OR5A1: variants seen among roughly 807,000 people sequenced by gnomAD.
The protein encoded by OR5A1 is olfactory receptor 5A1.
OR5A1 carries 6 observed loss-of-function variants against 6.7 expected under a neutral mutation model. The observed-to-expected ratio is 0.89, with a 90% CI of 0.49 to 1.76. The LOEUF (loss-of-function observed/expected upper bound fraction) is 1.76, where lower values mean the gene tolerates loss of function less well. Among genes scored for constraint, OR5A1 ranks in the 40% most tolerant of loss-of-function variants. The probability of loss-of-function intolerance (pLI) is 0.01; values close to 1 mark genes in which losing one functional copy is unlikely to be tolerated. For synonymous variants in OR5A1, 170 were observed against 155.0 expected (o/e 1.10, Z -0.72); for missense variants, 378 against 381.7 (o/e 0.99, Z 0.08).
At position 59,443,629 on chromosome 11, in the gene OR5A1, G is replaced by A. The variant is rs765560979; in HGVS notation, c.461G>A (p.Gly154Asp). ...CTRMVVGAYV[G>D]GFLSSLIQAS... ...CGCATGGTGGTTGGGGCATATGTTG[G>A]TGGCTTCCTGAGCTCCCTGATCCAG... The change falls in exon 2 of 2, where the codon GGT (glycine) becomes GAT (aspartate). Residue 154 changes from glycine (G) to aspartate (D), a missense_variant. Transcript: ENST00000641045. The A allele has an allele frequency of 6.2e-6, 10 of 1,614,020 alleles. No homozygotes were observed. The highest frequency in any genetic ancestry group is 3.3e-4 in the Middle Eastern group (2 of 6,062).
chr11:59,438,986 C>T (rs1418523546), intron 1 of OR5A1, among the ~76,000 whole-genome samples: 2 of 152,140 alleles, frequency 1.3e-5, no homozygotes, highest in Admixed American at 6.6e-5. Flanking sequence ...GCACCAGGCA[C>T]TGGCAGGGAT....
At position 59,449,176 on chromosome 11, in the gene OR5A1, T is replaced by G. The variant is rs1409417066; in HGVS notation, c.*5060T>G. On this transcript the variant is annotated 3_prime_UTR_variant, in exon 2 of 2. Coordinates refer to ENST00000641045, the MANE Select transcript of OR5A1 (RefSeq NM_001004728.2). ...TACAAATATCCAATATTACTCCCTA[T>G]GCTAATCATTATAGTAGACTTCTTA... 3.3e-5 allele frequency: 5 copies of G among 152,194 alleles called. No individual in the cohort carries two copies. Among genetic ancestry groups the G allele is most frequent in the Non-Finnish European group, 7.3e-5 (5 of 68,032 alleles). The allele number at this position is 152,194 out of a possible 1,614,324, so 9.4% of individuals were successfully genotyped here.
Position 59,451,110 on chromosome 11 carries a change from T to C in OR5A1, c.*6994T>C, listed in dbSNP as rs1407316767. 6.6e-6 allele frequency: 1 copy of C among 152,238 alleles called. No individual in the cohort carries two copies. The highest frequency in any genetic ancestry group is 1.5e-5 in the Non-Finnish European group (1 of 68,046). The allele number at this position is 152,238 out of a possible 1,614,324, so 9.4% of individuals were successfully genotyped here. On this transcript the variant is annotated 3_prime_UTR_variant, in exon 2 of 2. Transcript: ENST00000641045. ...CCAGAAATGCTGCCTATGTGTGCAC[T>C]CCTATTAATCATATGAAAGTGTCAC...
chr11:59,443,295 G>T lies in OR5A1; in HGVS notation c.127G>T (p.Ala43Ser). The change falls in exon 2 of 2, where the codon GCC becomes TCC. Residue 43 changes from alanine (A) to serine (S), a missense_variant. Coordinates refer to ENST00000641045, the MANE Select transcript of OR5A1 (RefSeq NM_001004728.2). ...TFLGIYLTTL[A>S]WNLALIFLIR... is the part of the protein sequence containing the mutation. ...CCTGGGCATCTATCTTACCACCCTG[G>T]CCTGGAACCTGGCCCTCATTTTTCT... The T allele has an allele frequency of 6.2e-7, 1 of 1,613,462 alleles. No individual in the cohort carries two copies. Among genetic ancestry groups the T allele is most frequent in the Non-Finnish European group, 8.5e-7 (1 of 1,179,774 alleles).
At position 59,443,510 on chromosome 11, in the gene OR5A1, G is replaced by A; in HGVS notation, c.342G>A (p.Glu114=). The change falls in exon 2 of 2, where the codon GAG becomes GAA. Residue 114 remains glutamate (E), a synonymous_variant. Coordinates refer to ENST00000641045, the MANE Select transcript of OR5A1 (RefSeq NM_001004728.2). ...TCTTTGTCGGCATGGGTCTGTCTGA[G>A]TGCCTCCTCCTGACTGCTATGGCAT... ...FFFFVGMGLS[E]CLLLTAMAYD... is the part of the protein sequence containing the mutation. 1 of 1,613,928 alleles carries A rather than the reference G, an allele frequency of 6.2e-7. No individual in the cohort carries two copies.
chr11:59,447,404 G>A lies in OR5A1; in HGVS notation c.*3288G>A, dbSNP rs1451856926. The A allele has an allele frequency of 6.6e-6, 1 of 152,174 alleles. No individual in the cohort carries two copies. Among genetic ancestry groups the A allele is most frequent in the Non-Finnish European group, 1.5e-5 (1 of 68,026 alleles). The allele number at this position is 152,174 out of a possible 1,614,324, so 9.4% of individuals were successfully genotyped here. On this transcript the variant is annotated 3_prime_UTR_variant, in exon 2 of 2. Coordinates refer to ENST00000641045, the MANE Select transcript of OR5A1 (RefSeq NM_001004728.2). Reference sequence around the variant, plus strand: ...TAGAACTACAGAACAACTGCCACTGGGGTCAGGCTAGTGTATGAAACTGCA... The same window carrying A: ...TAGAACTACAGAACAACTGCCACTGAGGTCAGGCTAGTGTATGAAACTGCA...
intron 1 of OR5A1, among the ~76,000 whole-genome samples, chr11:59,438,367 CATG>C (rs1858445832): frequency 6.6e-6 from 1 of 152,022 alleles, no homozygotes; most frequent in Admixed American, 6.6e-5. Context: ...TTCAGAAAAT[CATG>C]ATGAATTATT....
At chr11:59,441,322 GAGAT>G (rs1370397237) in intron 1 of OR5A1, among the ~76,000 whole-genome samples, 2 of 152,120 alleles carry the variant, frequency 1.3e-5, no homozygotes, top group Non-Finnish European at 2.9e-5. Flanking sequence ...ATTATTTCAG[GAGAT>G]AGATAATAAT....
At position 59,444,319 on chromosome 11, in the gene OR5A1, G is replaced by GAAA. The variant is rs35421205; in HGVS notation, c.*221_*223dup. On this transcript the variant is annotated 3_prime_UTR_variant, in exon 2 of 2. Transcript: ENST00000641045. Reference sequence around the variant, plus strand: ...GCCAAAAAGGGAAGGAATTTCTTCAGAAAAAAAAAAAAAAAAAAAAGAACC... The same window carrying GAAA: ...GCCAAAAAGGGAAGGAATTTCTTCAGAAAAAAAAAAAAAAAAAAAAAAAGAACC... 0.22 allele frequency: 17,940 copies of GAAA among 81,142 alleles called. 2,130 individuals are homozygous for GAAA. The highest frequency in any genetic ancestry group is 0.32 in the Non-Finnish European group (13,825 of 43,442). The allele number at this position is 81,142 out of a possible 1,614,324, so 5.0% of individuals were successfully genotyped here. A position where few individuals can be genotyped will look rare whatever the true frequency, so the allele number is the denominator to read the frequency against.
rs1479624993 is a variant in OR5A1 at position 59,447,587 on chromosome 11, T to A, written c.*3471T>A. On this transcript the variant is annotated 3_prime_UTR_variant, in exon 2 of 2. Coordinates refer to ENST00000641045, the MANE Select transcript of OR5A1 (RefSeq NM_001004728.2). ...AAGAAAGAATATGAGAAGGAGAGAT[T>A]GTCTGATCCTCACCCCTATTTGGTT... 1.3e-5 allele frequency: 2 copies of A among 152,212 alleles called. No individual in the cohort carries two copies. Among genetic ancestry groups the A allele is most frequent in the East Asian group, 3.8e-4 (2 of 5,204 alleles). The allele number at this position is 152,212 out of a possible 1,614,324, so 9.4% of individuals were successfully genotyped here. A position where few individuals can be genotyped will look rare whatever the true frequency, so the allele number is the denominator to read the frequency against.
In OR5A1 at chr11:59,447,664, G is replaced by C. The variant is rs960819402; in HGVS notation, c.*3548G>C. On this transcript the variant is annotated 3_prime_UTR_variant, in exon 2 of 2. Coordinates refer to ENST00000641045, the MANE Select transcript of OR5A1 (RefSeq NM_001004728.2). ...CATTATTGGGTAGTAGAGAACAGCA[G>C]GAAGCAGGGAGACAAAAATCAAAAT... The C allele has an allele frequency of 2.0e-5, 3 of 152,160 alleles. No homozygotes were observed. The highest frequency in any genetic ancestry group is 2.0e-4 in the Admixed American group (3 of 15,276). The allele number at this position is 152,160 out of a possible 1,614,324, so 9.4% of individuals were successfully genotyped here.
chr11:59,444,190 T>C lies in OR5A1; in HGVS notation c.*74T>C. On this transcript the variant is annotated 3_prime_UTR_variant, in exon 2 of 2. Transcript: ENST00000641045. ...CCAAGCCTTCACCTCCACCTCTGCC[T>C]CAGGCAAGGGAGATATTTGGTGCTC... The C allele has an allele frequency of 2.0e-6, 2 of 999,112 alleles. No homozygotes were observed. Among genetic ancestry groups the C allele is most frequent in the Non-Finnish European group, 3.0e-6 (2 of 658,016 alleles). 61.9% of individuals were successfully genotyped at this position (999,112 alleles called of 1,614,324 possible).
chr11:59,448,101 T>C lies in OR5A1; in HGVS notation c.*3985T>C, dbSNP rs535399687. 1 of 152,284 alleles carries C rather than the reference T, an allele frequency of 6.6e-6. No homozygotes were observed. 9.4% of individuals were successfully genotyped at this position (152,284 alleles called of 1,614,324 possible). A position where few individuals can be genotyped will look rare whatever the true frequency, so the allele number is the denominator to read the frequency against. ...AATGTGTTAAGGAAGTTTACAAATT[T>C]GTATTGGTCCACATTCAAAGCCGTC... On this transcript the variant is annotated 3_prime_UTR_variant, in exon 2 of 2. Coordinates refer to ENST00000641045, the MANE Select transcript of OR5A1 (RefSeq NM_001004728.2).
Position 59,444,635 on chromosome 11 carries a change from A to G in OR5A1, c.*519A>G, listed in dbSNP as rs1354421221. ...CCACATTCAACAAAAAAATAGCCCA[A>G]AAGTAGTACGAGTATATAACTCTTG... On this transcript the variant is annotated 3_prime_UTR_variant, in exon 2 of 2. Coordinates refer to ENST00000641045, the MANE Select transcript of OR5A1 (RefSeq NM_001004728.2). The G allele has an allele frequency of 6.5e-6, 1 of 153,332 alleles. No homozygotes were observed. The highest frequency in any genetic ancestry group is 1.9e-4 in the East Asian group (1 of 5,208). The allele number at this position is 153,332 out of a possible 1,614,324, so 9.5% of individuals were successfully genotyped here. A position where few individuals can be genotyped will look rare whatever the true frequency, so the allele number is the denominator to read the frequency against.
At position 59,443,839 on chromosome 11, in the gene OR5A1, T is replaced by G. The variant is rs148150257; in HGVS notation, c.671T>G (p.Ile224Arg). 3 of 1,613,966 alleles carry G rather than the reference T, an allele frequency of 1.9e-6. No homozygotes were observed. In the African/African-American group the frequency reaches 4.0e-5, roughly 22 times the overall value. Residue 224 changes from isoleucine (I) to arginine (R), a missense_variant, in exon 2 of 2, where the codon ATA becomes AGA. Coordinates refer to ENST00000641045, the MANE Select transcript of OR5A1 (RefSeq NM_001004728.2). ...CAACTCCTTATCTCCTATGGTTACA[T>G]AGTGTCTGCGGTCCTGAAGATCCCT... ...FLQLLISYGYIVSAVLKIPSA... is the reference protein window; with the variant it reads ...FLQLLISYGYRVSAVLKIPSA...
rs1311584651 is a variant in OR5A1 at position 59,445,324 on chromosome 11, T to G, written c.*1208T>G. The G allele has an allele frequency of 2.0e-5, 3 of 152,212 alleles. No homozygotes were observed. The allele number at this position is 152,212 out of a possible 1,614,324, so 9.4% of individuals were successfully genotyped here. On this transcript the variant is annotated 3_prime_UTR_variant, in exon 2 of 2. Transcript: ENST00000641045. The stretch of plus-strand genomic sequence containing the variant: ...TGGCTTCCAGCTCTATCCATGTCCC[T>G]GCAAAGAACACTAATTCCTTCCTTT...
chr11:59,441,215 T>C (rs939400897), intron 1 of OR5A1, among the ~76,000 whole-genome samples: 3 of 152,176 alleles, frequency 2.0e-5, no homozygotes, highest in Non-Finnish European at 4.4e-5. Flanking sequence ...TTCTATAATA[T>C]ATACAAGTTA....
chr11:59,443,925 C>G lies in OR5A1; in HGVS notation c.757C>G (p.Leu253Val). ...TGCCTCGCATCTGATGGTGGTGACT[C>G]TGCTGTTTGGGACAGCCCTTTTCGT... ...TCASHLMVVT[L>V]LFGTALFVYL... The change falls in exon 2 of 2, where the codon CTG becomes GTG. Residue 253 changes from leucine to valine, a missense_variant. Physicochemically the swap from Leu to Val is conservative, Grantham distance 32. Transcript: ENST00000641045. 1 of 1,614,132 alleles carries G rather than the reference C, an allele frequency of 6.2e-7. No homozygotes were observed. Among genetic ancestry groups the G allele is most frequent in the Non-Finnish European group, 8.5e-7 (1 of 1,180,028 alleles).
At chr11:59,436,912 A>G (rs1858422508) in intron 1 of OR5A1, 77 bp downstream of exon 1, 1 of 152,180 alleles carries the variant, frequency 6.6e-6, no homozygotes, top group African/African-American at 2.4e-5. Context: ...ACAAGCCCAT[A>G]TAGGTAACCA....
Sources: allele counts gnomAD v4.1 joint callset (sites outside exome capture counted in the v4.1 genomes callset), GRCh38; gene constraint gnomAD v4.1.1; transcripts MANE v1.5; gene names NCBI Gene and HGNC (gene_info 2026-07-23, HGNC 2026-07-21).